Variants in MCF2L2 observed in about 807,000 individuals in gnomAD.
MCF2L2 encodes the protein MCF.2 cell line derived transforming sequence-like 2.
A neutral mutation model predicts 150.2 loss-of-function variants in MCF2L2; 102 were observed. The ratio of observed to expected loss-of-function variants is 0.68; its 90% CI spans 0.58 to 0.80. The LOEUF (loss-of-function observed/expected upper bound fraction) is 0.80, where lower values mean the gene tolerates loss of function less well. Among genes scored for constraint, MCF2L2 ranks in the 30% least tolerant of loss-of-function variants. MCF2L2 has a pLI of 0.00. For missense variants in MCF2L2, 1,256 were observed against 1,372.8 expected, an observed-to-expected ratio of 0.91 and a Z score of 1.34; for synonymous variants, 465 against 491.3, an observed-to-expected ratio of 0.95 and a Z score of 0.71.
chr3:183,270,018 C>A lies in MCF2L2; in HGVS notation c.1862+6854G>T, dbSNP rs758760729. ...GCACACCTCAGCGGGGCCTCGCTAC[C>A]AATACTTGATTAACCACAAGGAAAA... On this transcript the variant is annotated intron_variant, in intron 15 of 29. Transcript: ENST00000328913. The surrounding 1 kb of genome is among the most constrained non-coding windows in gnomAD (Gnocchi z 4.5). The A allele has an allele frequency of 6.2e-7, 1 of 1,614,076 alleles. No individual in the cohort carries two copies. Among genetic ancestry groups the A allele is most frequent in the African/African-American group, 1.3e-5 (1 of 74,994 alleles).
chr3:183,202,590 T>C (rs1722327644), intron 25 of MCF2L2, among the ~76,000 whole-genome samples: 1 of 152,250 alleles, frequency 6.6e-6, no homozygotes, highest in African/African-American at 2.4e-5. Flanking sequence ...ACAGAGCCCC[T>C]TGGCAAAGAC....
chr3:183,307,998 G>C (rs577592460), intron 10 of MCF2L2, among the ~76,000 whole-genome samples: 73 of 152,320 alleles, frequency 4.8e-4, no homozygotes, highest in African/African-American at 1.7e-3. Context: ...TCAGACCAAA[G>C]GTCGTCTTCT....
intron 14 of MCF2L2, among the ~76,000 whole-genome samples, chr3:183,279,860 C>T (rs985921720): frequency 2.6e-5 from 4 of 152,182 alleles, no homozygotes; most frequent in Non-Finnish European, 4.4e-5. Context: ...GAAAACCCGT[C>T]TCTACTAAAA....
intron 10 of MCF2L2, among the ~76,000 whole-genome samples, chr3:183,303,818 T>C (rs889100026): frequency 3.3e-5 from 5 of 152,150 alleles, no homozygotes; most frequent in African/African-American, 4.8e-5. Flanking sequence ...TCAAGCCCTT[T>C]CCTGGGCGCC....
rs1045721174 is a variant in MCF2L2 at position 183,227,442 on chromosome 3, G to A, written c.2115+855C>T. The A allele has an allele frequency of 6.6e-6, 1 of 152,198 alleles. No individual in the cohort carries two copies. The highest frequency in any genetic ancestry group is 1.5e-5 in the Non-Finnish European group (1 of 68,036). 9.4% of individuals were successfully genotyped at this position (152,198 alleles called of 1,614,324 possible). A position where few individuals can be genotyped will look rare whatever the true frequency, so the allele number is the denominator to read the frequency against. On this transcript the variant is annotated intron_variant, in intron 18 of 29. Transcript: ENST00000328913. This position sits in a 1 kb window ranked among gnomAD's most constrained non-coding sequence, Gnocchi z 4.0. ...AGTACTAAGCCTAAAGGAGGCTGTA[G>A]ATTTAGAATTTTCGAATCATCCTCT... is the stretch of plus-strand genomic sequence containing the variant.
At chr3:183,423,256 G>A (rs1273484749) in intron 1 of MCF2L2, among the ~76,000 whole-genome samples, 1 of 152,140 alleles carries the variant, frequency 6.6e-6, no homozygotes, top group Non-Finnish European at 1.5e-5. Flanking sequence ...CATTTCAGCT[G>A]CTAACAACAT....
intron 1 of MCF2L2, among the ~76,000 whole-genome samples, chr3:183,399,354 C>T (rs1016943885): frequency 2.0e-5 from 3 of 152,096 alleles, no homozygotes; most frequent in Admixed American, 1.3e-4. Context: ...AATGAGAGAG[C>T]CTAAGACATT....
intron 1 of MCF2L2, among the ~76,000 whole-genome samples, chr3:183,399,688 T>G (rs150362161): frequency 0.029 from 4,344 of 152,330 alleles, 83 homozygotes; most frequent in Middle Eastern, 0.058. Context: ...GACATTTTTC[T>G]TCAGGAATAT....
intron 15 of MCF2L2, chr3:183,253,736 GGCGTTCCCT>G (rs1724732283): frequency 6.6e-6 from 1 of 152,456 alleles, no homozygotes; most frequent in Non-Finnish European, 1.5e-5. Flanking sequence ...GAGGAACCGC[GGCGTTCCCT>G]GGGCGTAGGG....
chr3:183,348,419 T>TG (rs1730983882), intron 3 of MCF2L2, among the ~76,000 whole-genome samples: 8 of 56,356 alleles, frequency 1.4e-4, no homozygotes, highest in African/African-American at 9.9e-4. Flanking sequence ...GGGGGTCGGG[T>TG]AGGGGGGGCG....
intron 15 of MCF2L2, among the ~76,000 whole-genome samples, chr3:183,249,625 T>G (rs192959552): frequency 6.6e-6 from 1 of 152,252 alleles, no homozygotes; most frequent in Admixed American, 6.5e-5. Context: ...TGGGTGTACC[T>G]AGTGTGGTTT....
At chr3:183,289,952 G>T (rs912049184) in intron 13 of MCF2L2, among the ~76,000 whole-genome samples, 1 of 152,158 alleles carries the variant, frequency 6.6e-6, no homozygotes. Flanking sequence ...TGCTGCTTTG[G>T]CATGCATCAT....
chr3:183,206,422 A>C (rs1302079139), intron 23 of MCF2L2, among the ~76,000 whole-genome samples: 1 of 152,238 alleles, frequency 6.6e-6, no homozygotes, highest in Non-Finnish European at 1.5e-5. Flanking sequence ...TCAGAAGGTA[A>C]CACAGACTGT....
chr3:183,184,468 T>C (rs1311751157), intron 27 of MCF2L2, among the ~76,000 whole-genome samples: 1 of 152,160 alleles, frequency 6.6e-6, no homozygotes, highest in Admixed American at 6.5e-5. Context: ...ATAAGGAGTA[T>C]TGGTGGAGAA....
intron 18 of MCF2L2, 66 bp from the exon 19 acceptor site, chr3:183,224,256 C>T (rs1195869798): frequency 8.9e-6 from 9 of 1,005,820 alleles, no homozygotes; most frequent in Non-Finnish European, 1.4e-5. Flanking sequence ...CAGGATGATA[C>T]AGTTTATTCA....
At chr3:183,310,579 C>T in intron 9 of MCF2L2, 2 of 306,194 alleles carry the variant, frequency 6.5e-6, no homozygotes, top group Non-Finnish European at 1.3e-5. Flanking sequence ...GGGAGGATAG[C>T]TTGAGCCCAG....
chr3:183,312,337 C>G lies in MCF2L2; in HGVS notation c.754-565G>C, dbSNP rs867941378. ...GATTCATACTTCCAAGCCAACCCCC[C>G]ATTCTACTCTTTTAACAGAGACTTA... On this transcript the variant is annotated intron_variant, in intron 7 of 29. Transcript: ENST00000328913. Among the ~76,000 whole-genome samples the G allele has an allele frequency of 4.5e-4, 69 of 152,312 alleles. 1 individual carries two copies. In the Middle Eastern group the frequency reaches 0.014, roughly 30 times the overall value.
At chr3:183,228,502 A>T in intron 17 of MCF2L2, 136 bp from the exon 18 acceptor site, 3 of 514,170 alleles carry the variant, frequency 5.8e-6, no homozygotes, top group South Asian at 2.9e-5. Flanking sequence ...CTTATCTTCT[A>T]CACATTGATT....
At position 183,389,195 on chromosome 3, in the gene MCF2L2, T is replaced by G. The variant is rs560174851; in HGVS notation, c.160+501A>C. On this transcript the variant is annotated intron_variant, in intron 2 of 29. Coordinates refer to ENST00000328913, the MANE Select transcript of MCF2L2 (RefSeq NM_015078.4). ...GGTTGTGTCTAGGCTCAAAAAATGC[T>G]AGACTTTTAGTCAGAACAGCCTCTC... 9.2e-5 allele frequency among the ~76,000 whole-genome samples: 14 copies of G among 152,362 alleles called. No homozygotes were observed. The South Asian group carries it at 2.9e-3, about 32-fold the overall frequency.
Sources: allele counts gnomAD v4.1 joint callset (sites outside exome capture counted in the v4.1 genomes callset), GRCh38; gene constraint gnomAD v4.1.1; non-coding constraint Gnocchi (gnomAD v3.1); transcripts MANE v1.5; gene names NCBI Gene and HGNC (gene_info 2026-07-23, HGNC 2026-07-21).